Variants in DLC1 observed in about 807,000 individuals in gnomAD.
DLC1 encodes rho GTPase-activating protein 7.
Under a neutral mutation model 140.3 loss-of-function variants are expected in DLC1, and 54 were observed. The observed-to-expected ratio is 0.38, with a 90% CI of 0.31 to 0.48. DLC1 has a LOEUF of 0.48. Ranked by LOEUF, DLC1 falls within the 20% of genes least tolerant of loss-of-function variation. The pLI is 0.96. For synonymous variants in DLC1, 986 were observed against 728.1 expected (o/e 1.35, Z -5.70); for missense variants, 2,536 against 1,907.0 (o/e 1.33, Z -6.14).
At chr8:13,369,219 C>T (rs999390340) in intron 4 of DLC1, among the ~76,000 whole-genome samples, 1 of 152,208 alleles carries the variant, frequency 6.6e-6, no homozygotes, top group African/African-American at 2.4e-5. Context: ...TGTGTCTTAA[C>T]CTTCTGTCTC....
chr8:13,428,792 C>T (rs1369536901), intron 2 of DLC1, among the ~76,000 whole-genome samples: 1 of 152,110 alleles, frequency 6.6e-6, no homozygotes, highest in Admixed American at 6.5e-5. Context: ...GTGTTTTTCT[C>T]AATGTATACC....
intron 2 of DLC1, among the ~76,000 whole-genome samples, chr8:13,420,997 A>G (rs1428921366): frequency 1.3e-5 from 2 of 152,096 alleles, no homozygotes; most frequent in Admixed American, 1.3e-4. Context: ...TATACTGAGA[A>G]ACTTGTGTGG....
intron 2 of DLC1, among the ~76,000 whole-genome samples, chr8:13,425,387 G>T (rs897026853): frequency 6.6e-6 from 1 of 152,174 alleles, no homozygotes; most frequent in African/African-American, 2.4e-5. Context: ...TCACAGGACT[G>T]AGTATTTTTA....
intron 5 of DLC1, among the ~76,000 whole-genome samples, chr8:13,128,061 AAAC>A (rs944867416): frequency 1.3e-5 from 2 of 152,058 alleles, no homozygotes; most frequent in Admixed American, 6.5e-5. Context: ...AACCCCAAAA[AAAC>A]AACAACCAAA....
intron 7 of DLC1, among the ~76,000 whole-genome samples, chr8:13,106,976 C>T (rs1819617028): frequency 6.6e-6 from 1 of 152,188 alleles, no homozygotes; most frequent in Non-Finnish European, 1.5e-5. Context: ...TGCTTCAAGA[C>T]AAAGCGAATC....
At chr8:13,601,534 T>C (rs1421256734) in intron 1 of DLC1, among the ~76,000 whole-genome samples, 1 of 151,730 alleles carries the variant, frequency 6.6e-6, no homozygotes, top group East Asian at 1.9e-4. Context: ...AACACTACTA[T>C]TCATTGGAAA....
At chr8:13,198,115 A>C (rs965045514) in intron 5 of DLC1, among the ~76,000 whole-genome samples, 2 of 152,174 alleles carry the variant, frequency 1.3e-5, no homozygotes, top group African/African-American at 4.8e-5. Context: ...GAAAAAAAAA[A>C]ATTAAGTCAA....
rs531227883 is a variant in DLC1, at chr8:13,240,853, A to C, written c.1348+64416T>G. On this transcript the variant is annotated intron_variant, in intron 5 of 17. Coordinates refer to ENST00000276297, the MANE Select transcript of DLC1 (RefSeq NM_182643.3). ...TATCTTTGCTCCAAATGAGGAAAATATCTAAATGTATAAAACCTGAGCCTT... is the reference window on the plus strand; with the variant it reads ...TATCTTTGCTCCAAATGAGGAAAATCTCTAAATGTATAAAACCTGAGCCTT... Among the ~76,000 whole-genome samples the C allele has an allele frequency of 2.8e-4, 42 of 152,350 alleles. 1 individual carries two copies. The highest frequency in any genetic ancestry group is 9.9e-4 in the African/African-American group (41 of 41,572).
chr8:13,522,286 T>G (rs1459719022), intron 1 of DLC1, among the ~76,000 whole-genome samples: 3 of 152,052 alleles, frequency 2.0e-5, no homozygotes, highest in Non-Finnish European at 2.9e-5. Flanking sequence ...TGGAACGACT[T>G]TGGCCTCATG....
In DLC1 at chr8:13,085,733, G is replaced by C; in HGVS notation, c.*78C>G. The C allele has an allele frequency of 6.3e-7, 1 of 1,597,760 alleles. No individual in the cohort carries two copies. The highest frequency in any genetic ancestry group is 8.5e-7 in the Non-Finnish European group (1 of 1,171,102). ...TTTCTTTGTTTCAGGATTAGACACA[G>C]AACCCATTCTTCAAGGACTGGCAAA... On this transcript the variant is annotated 3_prime_UTR_variant, in exon 18 of 18. Coordinates refer to ENST00000276297, the MANE Select transcript of DLC1 (RefSeq NM_182643.3).
intron 4 of DLC1, among the ~76,000 whole-genome samples, chr8:13,316,639 A>T (rs1832870777): frequency 6.6e-6 from 1 of 152,000 alleles, no homozygotes; most frequent in Non-Finnish European, 1.5e-5. Flanking sequence ...TCTGGATCCC[A>T]CTCGGCACGA....
chr8:13,590,568 T>A (rs1805484479), intron 1 of DLC1, among the ~76,000 whole-genome samples: 1 of 152,054 alleles, frequency 6.6e-6, no homozygotes, highest in Non-Finnish European at 1.5e-5. Context: ...GGCCAATGGA[T>A]TTTGTTGTTC....
chr8:13,180,024 G>T (rs898153398), intron 5 of DLC1, among the ~76,000 whole-genome samples: 1 of 152,090 alleles, frequency 6.6e-6, no homozygotes, highest in African/African-American at 2.4e-5. Flanking sequence ...GATATCAGTG[G>T]TTGCTCTAGA....
chr8:13,247,462 G>A lies in DLC1; in HGVS notation c.1348+57807C>T, dbSNP rs372907190. On this transcript the variant is annotated intron_variant, in intron 5 of 17. Coordinates refer to ENST00000276297, the MANE Select transcript of DLC1 (RefSeq NM_182643.3). ...CAGCATTCTAAGTGCTTTATTTTTAGTGACTCATTTAATTCTTGCAACAAC... is the reference window on the plus strand; with the variant it reads ...CAGCATTCTAAGTGCTTTATTTTTAATGACTCATTTAATTCTTGCAACAAC... Among the ~76,000 whole-genome samples, 4 of 152,260 alleles carry A rather than the reference G, an allele frequency of 2.6e-5. No homozygotes were observed. In the South Asian group the frequency reaches 8.3e-4, roughly 32 times the overall value.
intron 5 of DLC1, among the ~76,000 whole-genome samples, chr8:13,121,154 C>A (rs1453831024): frequency 6.6e-6 from 1 of 151,984 alleles, no homozygotes; most frequent in African/African-American, 2.4e-5. Flanking sequence ...TTGCAGATTC[C>A]CTGGATTCCC....
chr8:13,091,491 G>A (rs927995984), intron 13 of DLC1, 59 bp from the exon 14 acceptor site: 14 of 1,486,144 alleles, frequency 9.4e-6, no homozygotes, highest in African/African-American at 2.8e-5. Flanking sequence ...TTTCTTCAAG[G>A]TATTATTCAA....
chr8:13,403,626 T>C (rs1837392063), intron 2 of DLC1, among the ~76,000 whole-genome samples: 1 of 152,014 alleles, frequency 6.6e-6, no homozygotes, highest in African/African-American at 2.4e-5. Flanking sequence ...TTTCTTTCTT[T>C]CTCCCTTCCT....
intron 5 of DLC1, among the ~76,000 whole-genome samples, chr8:13,285,852 T>G (rs1008093489): frequency 6.6e-6 from 1 of 152,128 alleles, no homozygotes; most frequent in Admixed American, 6.5e-5. Context: ...TAGAGATAAT[T>G]CTACAAAAGT....
At chr8:13,198,695 G>C (rs1827206966) in intron 5 of DLC1, among the ~76,000 whole-genome samples, 1 of 150,016 alleles carries the variant, frequency 6.7e-6, no homozygotes, top group Non-Finnish European at 1.5e-5. Context: ...TCAACCTACA[G>C]ATAAGGTCAC....
Sources: gnomAD v4.1 joint callset for allele counts (sites outside exome capture counted in the v4.1 genomes callset) on GRCh38, gnomAD v4.1.1 for gene constraint, MANE v1.5 for transcripts, NCBI Gene and HGNC (gene_info 2026-07-23, HGNC 2026-07-21) for gene names.